CHRNA7: variants seen among roughly 807,000 people sequenced by gnomAD.
The protein encoded by CHRNA7 is neuronal acetylcholine receptor subunit alpha-7.
In CHRNA7, 17 loss-of-function variants were observed where a neutral mutation model predicts 48.0. The observed-to-expected ratio is 0.35, with a 90% CI of 0.24 to 0.53. CHRNA7 has a LOEUF of 0.53. CHRNA7 is among the 20% of genes least tolerant of loss of function. The pLI is 0.92. For missense variants in CHRNA7, 155 were observed against 577.7 expected (o/e 0.27, Z 7.50); for synonymous variants, 75 against 242.3 (o/e 0.31, Z 6.41).
At chr15:32,072,001 G>C (rs968472323) in intron 2 of CHRNA7, among the ~76,000 whole-genome samples, 1 of 152,154 alleles carries the variant, frequency 6.6e-6, no homozygotes, top group African/African-American at 2.4e-5. Context: ...GGAGGACTTA[G>C]AAGACAGGAA....
At chr15:32,120,958 C>T (rs868762105) in intron 4 of CHRNA7, among the ~76,000 whole-genome samples, 2 of 152,014 alleles carry the variant, frequency 1.3e-5, no homozygotes, top group Non-Finnish European at 2.9e-5. Flanking sequence ...GGCCAGGGTC[C>T]GCCGCCACCC....
chr15:32,080,947 A>G (rs1184320664), intron 2 of CHRNA7, among the ~76,000 whole-genome samples: 3 of 152,268 alleles, frequency 2.0e-5, no homozygotes, highest in Non-Finnish European at 4.4e-5. Flanking sequence ...ACCATGGAAT[A>G]CTACAGAGCC....
intron 4 of CHRNA7, among the ~76,000 whole-genome samples, chr15:32,138,916 G>T (rs2051325490): frequency 6.6e-6 from 1 of 152,012 alleles, no homozygotes; most frequent in Admixed American, 6.6e-5. Flanking sequence ...ACCACGCCTG[G>T]CTAATTTTTG....
chr15:32,148,264 G>A (rs1441531877), intron 4 of CHRNA7, among the ~76,000 whole-genome samples: 2 of 151,990 alleles, frequency 1.3e-5, no homozygotes, highest in Non-Finnish European at 2.9e-5. Flanking sequence ...TGGTGAACAC[G>A]TGCCCTATTG....
At chr15:32,101,224 T>C in intron 2 of CHRNA7, 79 bp from the exon 3 acceptor site, 1 of 1,463,104 alleles carries the variant, frequency 6.8e-7, no homozygotes, top group Non-Finnish European at 9.4e-7. Flanking sequence ...GACAGTCAGA[T>C]CCCCATGTGA....
intron 3 of CHRNA7, chr15:32,102,301 C>G (rs542587681): frequency 2.0e-5 from 3 of 152,282 alleles, no homozygotes; most frequent in East Asian, 3.9e-4. Context: ...GGCACCACCA[C>G]ACCCGGCTAG....
At chr15:32,134,573 C>A (rs548916130) in intron 4 of CHRNA7, among the ~76,000 whole-genome samples, 2 of 152,280 alleles carry the variant, frequency 1.3e-5, no homozygotes, top group Non-Finnish European at 2.9e-5. Context: ...TATGGAAACT[C>A]AATTTTTAAA....
intron 2 of CHRNA7, among the ~76,000 whole-genome samples, chr15:32,071,924 T>C (rs2050064824): frequency 6.6e-6 from 1 of 152,054 alleles, no homozygotes; most frequent in Non-Finnish European, 1.5e-5. Flanking sequence ...GGGGTGTTGC[T>C]ATAAAAGATA....
chr15:32,150,435 A>T (rs1348146955), intron 4 of CHRNA7, among the ~76,000 whole-genome samples: 8 of 152,212 alleles, frequency 5.3e-5, no homozygotes, highest in African/African-American at 1.9e-4. Flanking sequence ...TGCGGGTTAG[A>T]TGCCATGTAA....
intron 2 of CHRNA7, among the ~76,000 whole-genome samples, chr15:32,043,071 G>A (rs114582529): frequency 0.014 from 2,187 of 152,202 alleles, 54 homozygotes; most frequent in African/African-American, 0.05. Context: ...AAGTTAAAAG[G>A]TATAAACATG....
chr15:32,052,621 C>T (rs996286610), intron 2 of CHRNA7, among the ~76,000 whole-genome samples: 5 of 151,986 alleles, frequency 3.3e-5, no homozygotes, highest in African/African-American at 7.3e-5. Flanking sequence ...CCCAGCTACT[C>T]GGGAGGCTGA....
chr15:32,030,549 G>C lies in CHRNA7; in HGVS notation c.-46G>C, dbSNP rs145180415. On this transcript the variant is annotated 5_prime_UTR_variant, in exon 1 of 10. Transcript: ENST00000306901. ...GCCGCAGGCGCAGGCCCGGGCGACA[G>C]CCGAGACGTGGAGCGCGCCGGCTCG... 4 of 1,442,082 alleles carry C rather than the reference G, an allele frequency of 2.8e-6. No homozygotes were observed. Among genetic ancestry groups the C allele is most frequent in the Non-Finnish European group, 3.6e-6 (4 of 1,103,322 alleles). The allele number at this position is 1,442,082 out of a possible 1,614,324, so 89.3% of individuals were successfully genotyped here. A position where few individuals can be genotyped will look rare whatever the true frequency, so the allele number is the denominator to read the frequency against.
intron 2 of CHRNA7, among the ~76,000 whole-genome samples, chr15:32,077,191 T>C (rs957412673): frequency 6.6e-6 from 1 of 152,178 alleles, no homozygotes; most frequent in Non-Finnish European, 1.5e-5. Flanking sequence ...GATTACCCAT[T>C]TACCTACTGA....
intron 2 of CHRNA7, among the ~76,000 whole-genome samples, chr15:32,067,826 A>G (rs2049990466): frequency 6.6e-6 from 1 of 152,236 alleles, no homozygotes; most frequent in African/African-American, 2.4e-5. Context: ...ATCAATCCAG[A>G]CAAGATTGTT....
At chr15:32,074,385 C>T (rs2050103845) in intron 2 of CHRNA7, among the ~76,000 whole-genome samples, 1 of 145,406 alleles carries the variant, frequency 6.9e-6, no homozygotes, top group Admixed American at 6.7e-5. Context: ...AAGTTTTAGC[C>T]AGTGCAATAA....
rs777399512 is a variant in CHRNA7, at chr15:32,030,589, C to T, written c.-6C>T. ...GCGCCGGCTCGCTGCAGCTCCGGGACTCAACATGCGCTGCTCGCCGGGAGG... is the reference window on the plus strand; with the variant it reads ...GCGCCGGCTCGCTGCAGCTCCGGGATTCAACATGCGCTGCTCGCCGGGAGG... On this transcript the variant is annotated 5_prime_UTR_variant, in exon 1 of 10. Coordinates refer to ENST00000306901, the MANE Select transcript of CHRNA7 (RefSeq NM_000746.6). 1.9e-5 allele frequency: 29 copies of T among 1,534,574 alleles called. No individual in the cohort carries two copies. Among genetic ancestry groups the T allele is most frequent in the African/African-American group, 2.9e-5 (2 of 69,848 alleles).
intron 2 of CHRNA7, among the ~76,000 whole-genome samples, chr15:32,042,967 G>A (rs1188852679): frequency 6.6e-6 from 1 of 152,142 alleles, no homozygotes; most frequent in African/African-American, 2.4e-5. Flanking sequence ...AAAATCAAGG[G>A]GGTAAAAATC....
At chr15:32,165,336 A>G (rs1230503988) in intron 9 of CHRNA7, among the ~76,000 whole-genome samples, 1 of 116,724 alleles carries the variant, frequency 8.6e-6, no homozygotes, top group African/African-American at 3.6e-5. Context: ...AATACTGATA[A>G]CCGTTTTAAT....
rs576749125 is a variant in CHRNA7 at position 32,131,852 on chromosome 15, C to T, written c.350+19953C>T. 5.3e-4 allele frequency among the ~76,000 whole-genome samples: 81 copies of T among 152,252 alleles called. 1 individual carries two copies. Among genetic ancestry groups the T allele is most frequent in the Non-Finnish European group, 1.0e-3 (68 of 68,018 alleles). The stretch of plus-strand genomic sequence containing the variant: ...CACTGTGCTAGCAGAGGAGGGAGGA[C>T]ACCACCCCTGCTGTCGTGTGGTTCA... On this transcript the variant is annotated intron_variant, in intron 4 of 9. Transcript: ENST00000306901.
Sources: gnomAD v4.1 joint callset for allele counts (sites outside exome capture counted in the v4.1 genomes callset) on GRCh38, gnomAD v4.1.1 for gene constraint, MANE v1.5 for transcripts, NCBI Gene and HGNC (gene_info 2026-07-23, HGNC 2026-07-21) for gene names.